EPHA6: variants seen among roughly 807,000 people sequenced by gnomAD.
EPHA6 encodes the protein ephrin type-A receptor 6.
EPHA6 carries 50 observed loss-of-function variants against 112.0 expected under a neutral mutation model. That is an observed-to-expected ratio of 0.45 (90% CI 0.36 to 0.56). EPHA6 has a LOEUF of 0.56. Among genes scored for constraint, EPHA6 ranks in the 20% least tolerant of loss-of-function variants. The pLI is 0.00. For synonymous variants in EPHA6, 529 were observed against 490.7 expected, an observed-to-expected ratio of 1.08 and a Z score of -1.03; for missense variants, 1,280 against 1,417.4, an observed-to-expected ratio of 0.90 and a Z score of 1.56.
intron 2 of EPHA6, among the ~76,000 whole-genome samples, chr3:96,880,840 A>C (rs967735714): frequency 1.3e-5 from 2 of 152,052 alleles, no homozygotes; most frequent in African/African-American, 4.8e-5. Context: ...TTTCATTTGC[A>C]TTGTATAATG....
At chr3:97,200,551 G>T (rs1230232318) in intron 3 of EPHA6, among the ~76,000 whole-genome samples, 1 of 152,090 alleles carries the variant, frequency 6.6e-6, no homozygotes, top group Non-Finnish European at 1.5e-5. Flanking sequence ...CTCTGTACCT[G>T]TGTTCCCTCC....
At chr3:97,344,768 T>C (rs1490865779) in intron 5 of EPHA6, among the ~76,000 whole-genome samples, 2 of 152,192 alleles carry the variant, frequency 1.3e-5, no homozygotes, top group Non-Finnish European at 2.9e-5. Context: ...TATCTCCTTA[T>C]GGATTTAATT....
intron 1 of EPHA6, among the ~76,000 whole-genome samples, chr3:96,849,027 T>C (rs1380161041): frequency 1.3e-5 from 2 of 152,260 alleles, no homozygotes; most frequent in East Asian, 1.9e-4. Flanking sequence ...GGGGAAAATA[T>C]ATGCTTATCA....
chr3:97,237,021 A>G (rs77125200), intron 4 of EPHA6, among the ~76,000 whole-genome samples: 2,517 of 152,044 alleles, frequency 0.017, 76 homozygotes, highest in African/African-American at 0.057. Context: ...TTTTGCATAA[A>G]GAAAACCATT....
At chr3:97,694,358 T>A (rs1439535683) in intron 14 of EPHA6, among the ~76,000 whole-genome samples, 2 of 152,064 alleles carry the variant, frequency 1.3e-5, no homozygotes, top group African/African-American at 4.8e-5. Flanking sequence ...TGCCTCAGCC[T>A]CCCGAGTAGC....
intron 2 of EPHA6, among the ~76,000 whole-genome samples, chr3:96,902,646 G>A (rs1168519950): frequency 6.6e-6 from 1 of 152,102 alleles, no homozygotes; most frequent in Non-Finnish European, 1.5e-5. Context: ...GTCTGTTGTT[G>A]GAGTCAGAGC....
intron 1 of EPHA6, among the ~76,000 whole-genome samples, chr3:96,859,936 A>G (rs1576165457): frequency 6.6e-6 from 1 of 152,204 alleles, no homozygotes; most frequent in East Asian, 1.9e-4. Context: ...GGGCATTTTA[A>G]TCTGTTCTGC....
intron 5 of EPHA6, among the ~76,000 whole-genome samples, chr3:97,392,074 C>G (rs567975490): frequency 2.0e-5 from 3 of 151,708 alleles, no homozygotes; most frequent in East Asian, 1.9e-4. Flanking sequence ...TGTGTCTTCA[C>G]GTAAATTGAA....
chr3:97,093,741 TCC>T (rs2047147547), intron 3 of EPHA6, among the ~76,000 whole-genome samples: 2 of 152,112 alleles, frequency 1.3e-5, no homozygotes, highest in African/African-American at 4.8e-5. Flanking sequence ...GACTTCCTTC[TCC>T]GTCTCTTTAG....
At chr3:97,701,801 T>G (rs986244815) in intron 14 of EPHA6, among the ~76,000 whole-genome samples, 3 of 152,148 alleles carry the variant, frequency 2.0e-5, no homozygotes, top group African/African-American at 7.2e-5. Context: ...TCTTTCTTCT[T>G]TTCCATAACC....
intron 2 of EPHA6, among the ~76,000 whole-genome samples, chr3:96,901,526 A>G (rs1027503118): frequency 4.6e-5 from 7 of 152,106 alleles, no homozygotes; most frequent in African/African-American, 1.7e-4. Flanking sequence ...ACTTCCAGAA[A>G]GGGACAGAAT....
intron 13 of EPHA6, among the ~76,000 whole-genome samples, chr3:97,615,718 C>T (rs895877102): frequency 6.6e-6 from 1 of 152,148 alleles, no homozygotes; most frequent in African/African-American, 2.4e-5. Context: ...CAAAACATGT[C>T]CAGATTGCCT....
chr3:97,025,085 C>T (rs1176308465), intron 3 of EPHA6, among the ~76,000 whole-genome samples: 1 of 152,126 alleles, frequency 6.6e-6, no homozygotes, highest in Non-Finnish European at 1.5e-5. Context: ...AGTTTTGCCA[C>T]TCACAGGGCA....
intron 1 of EPHA6, among the ~76,000 whole-genome samples, chr3:96,819,381 A>G (rs2033065007): frequency 6.6e-6 from 1 of 152,072 alleles, no homozygotes; most frequent in South Asian, 2.1e-4. Context: ...TTAAGTACAA[A>G]AGATATAAAT....
intron 14 of EPHA6, among the ~76,000 whole-genome samples, chr3:97,699,654 C>T (rs1395366410): frequency 6.6e-6 from 1 of 152,142 alleles, no homozygotes; most frequent in African/African-American, 2.4e-5. Context: ...ATAAACAGTT[C>T]CCAAGTCCAA....
intron 2 of EPHA6, among the ~76,000 whole-genome samples, chr3:96,955,501 G>A (rs190317144): frequency 6.6e-6 from 1 of 152,258 alleles, no homozygotes; most frequent in Non-Finnish European, 1.5e-5. Context: ...TTCCACTAAA[G>A]TTACAGAAAT....
rs1297676734 is a variant in EPHA6, at chr3:97,754,329, C to A, written c.*5628C>A. Among the ~76,000 whole-genome samples, 1 of 152,130 alleles carries A rather than the reference C, an allele frequency of 6.6e-6. No individual in the cohort carries two copies. On this transcript the variant is annotated 3_prime_UTR_variant, in exon 18 of 18. Transcript: ENST00000389672. ...TCTCGAACTCCCGACCTCAGGTGAT[C>A]TGCCCGCCTCAGCCTCCCAAAGTGC...
chr3:96,995,745 TA>T (rs1315133893), intron 3 of EPHA6, among the ~76,000 whole-genome samples: 1 of 152,160 alleles, frequency 6.6e-6, no homozygotes, highest in Non-Finnish European at 1.5e-5. Context: ...ATGCTTAATT[TA>T]AAAACACCTT....
At chr3:97,524,112 T>G (rs2092584781) in intron 10 of EPHA6, among the ~76,000 whole-genome samples, 1 of 152,024 alleles carries the variant, frequency 6.6e-6, no homozygotes, top group African/African-American at 2.4e-5. Flanking sequence ...GATATGGACT[T>G]ACTATAGGCA....
Sources: gnomAD v4.1 joint callset for allele counts (sites outside exome capture counted in the v4.1 genomes callset) on GRCh38, gnomAD v4.1.1 for gene constraint, MANE v1.5 for transcripts, NCBI Gene and HGNC (gene_info 2026-07-23, HGNC 2026-07-21) for gene names.